The following C3orf70 variants were observed in gnomAD, a reference collection of about 807,000 sequenced individuals.
C3orf70 encodes the protein chromosome 3 open reading frame 70.
C3orf70 carries 15 observed loss-of-function variants against 20.7 expected under a neutral mutation model. The observed-to-expected ratio is 0.72, with a 90% CI of 0.48 to 1.11. The LOEUF is 1.11. Among genes scored for constraint, C3orf70 ranks in the 50% most tolerant of loss-of-function variants. The probability of loss-of-function intolerance (pLI) is 0.00; values close to 1 mark genes in which losing one functional copy is unlikely to be tolerated. For missense variants in C3orf70, 332 were observed against 317.6 expected (o/e 1.05, Z -0.34); for synonymous variants, 161 against 125.7 (o/e 1.28, Z -1.88).
Position 185,092,935 on chromosome 3 carries a change from G to C in C3orf70, c.197-9372C>G, listed in dbSNP as rs550645216. ...GAACCCGTAAGGTGGAGGTTGCAGT[G>C]AGCCAAGATCGTGCTACTGCACTCT... On this transcript the variant is annotated intron_variant, in intron 1 of 1. Coordinates refer to ENST00000335012, the MANE Select transcript of C3orf70 (RefSeq NM_001025266.3). Among the ~76,000 whole-genome samples the C allele has an allele frequency of 2.1e-3, 316 of 149,930 alleles. 1 individual carries two copies. Among genetic ancestry groups the C allele is most frequent in the African/African-American group, 7.5e-3 (305 of 40,580 alleles).
In C3orf70 at chr3:185,133,802, A is replaced by G. The variant is rs185757951; in HGVS notation, c.196+18826T>C. ...CATATATGCAACAAAGTAGCATGCAAGCATGAAGAAATGAGAAAGAAGCCA... is the reference window on the plus strand; with the variant it reads ...CATATATGCAACAAAGTAGCATGCAGGCATGAAGAAATGAGAAAGAAGCCA... On this transcript the variant is annotated intron_variant, in intron 1 of 1. Transcript: ENST00000335012. 1.9e-3 allele frequency among the ~76,000 whole-genome samples: 282 copies of G among 152,246 alleles called. 1 individual carries two copies. The highest frequency in any genetic ancestry group is 4.3e-3 in the Admixed American group (65 of 15,286).
In C3orf70 at chr3:185,082,539, G is replaced by A. The variant is rs1715366155; in HGVS notation, c.*468C>T. ...GGAAGGGAAGAAACGGCATCTACCA[G>A]TGCACACTCAGTAGGGAGTGCTACT... On this transcript the variant is annotated 3_prime_UTR_variant, in exon 2 of 2. Coordinates refer to ENST00000335012, the MANE Select transcript of C3orf70 (RefSeq NM_001025266.3). 1 of 163,144 alleles carries A rather than the reference G, an allele frequency of 6.1e-6. No individual in the cohort carries two copies. Among genetic ancestry groups the A allele is most frequent in the South Asian group, 1.8e-4 (1 of 5,678 alleles). The allele number at this position is 163,144 out of a possible 1,614,324, so 10.1% of individuals were successfully genotyped here. A position where few individuals can be genotyped will look rare whatever the true frequency, so the allele number is the denominator to read the frequency against.
chr3:185,134,997 C>T (rs1186713003), intron 1 of C3orf70, among the ~76,000 whole-genome samples: 1 of 152,016 alleles, frequency 6.6e-6, no homozygotes, highest in Non-Finnish European at 1.5e-5. Context: ...CAGCCCCTTC[C>T]CCTGCCAGAA....
chr3:185,142,409 G>C (rs13063458), intron 1 of C3orf70, among the ~76,000 whole-genome samples: 9,077 of 152,256 alleles, frequency 0.06, 373 homozygotes, highest in South Asian at 0.1. Context: ...CTCCAGCCTG[G>C]GTGACACAGC....
chr3:185,088,728 G>A (rs1162155771), intron 1 of C3orf70, among the ~76,000 whole-genome samples: 1 of 152,094 alleles, frequency 6.6e-6, no homozygotes, highest in Non-Finnish European at 1.5e-5. Flanking sequence ...GATATTTTAG[G>A]ACTGTGCAAA....
intron 1 of C3orf70, among the ~76,000 whole-genome samples, chr3:185,091,606 G>C (rs1247213468): frequency 6.6e-6 from 1 of 151,902 alleles, no homozygotes; most frequent in Non-Finnish European, 1.5e-5. Flanking sequence ...GAAGGTGGCA[G>C]AGCCCAGGGG....
In C3orf70 at chr3:185,077,529, CTTTA is replaced by C. The variant is rs1214221342; in HGVS notation, c.*5474_*5477del. ...ACAAGGATTTTATTACTGATAATGA[CTTTA>C]TTTAGCAGTTCCTAGGAAGGTTGTT... On this transcript the variant is annotated 3_prime_UTR_variant, in exon 2 of 2. Coordinates refer to ENST00000335012, the MANE Select transcript of C3orf70 (RefSeq NM_001025266.3). Among the ~76,000 whole-genome samples, 1 of 151,994 alleles carries C rather than the reference CTTTA, an allele frequency of 6.6e-6. No homozygotes were observed. The highest frequency in any genetic ancestry group is 2.4e-5 in the African/African-American group (1 of 41,320).
intron 1 of C3orf70, among the ~76,000 whole-genome samples, chr3:185,107,959 C>T (rs879434980): frequency 5.3e-5 from 8 of 152,114 alleles, no homozygotes; most frequent in Non-Finnish European, 7.4e-5. Flanking sequence ...GACTCTAACT[C>T]CTTATTTAGA....
At chr3:185,152,394 A>C (rs1036353643) in intron 1 of C3orf70, among the ~76,000 whole-genome samples, 1 of 152,220 alleles carries the variant, frequency 6.6e-6, no homozygotes, top group Non-Finnish European at 1.5e-5. Flanking sequence ...GTAGCTAAAG[A>C]AAGCGAGGCG....
chr3:185,152,986 G>C lies in C3orf70; in HGVS notation c.-163C>G, dbSNP rs1460482632. 8 of 462,882 alleles carry C rather than the reference G, an allele frequency of 1.7e-5. No homozygotes were observed. The highest frequency in any genetic ancestry group is 2.6e-5 in the Non-Finnish European group (8 of 305,858). 28.7% of individuals were successfully genotyped at this position (462,882 alleles called of 1,614,324 possible). A position where few individuals can be genotyped will look rare whatever the true frequency, so the allele number is the denominator to read the frequency against. ...AGCGCGGCGGTCCCAGGCTCGAGGA[G>C]GAGCCGCCCCGGGCGCTGCGACCGG... On this transcript the variant is annotated 5_prime_UTR_variant, in exon 1 of 2. Transcript: ENST00000335012.
intron 1 of C3orf70, among the ~76,000 whole-genome samples, chr3:185,093,324 T>C (rs1455336698): frequency 6.6e-6 from 1 of 152,236 alleles, no homozygotes; most frequent in Non-Finnish European, 1.5e-5. Context: ...ATAACATTTC[T>C]GTAAGTGCCA....
intron 1 of C3orf70, among the ~76,000 whole-genome samples, chr3:185,085,969 A>G (rs1715450972): frequency 6.6e-6 from 1 of 152,176 alleles, no homozygotes; most frequent in Non-Finnish European, 1.5e-5. Context: ...GAGGCTGTGG[A>G]AGGCAGGCAG....
chr3:185,109,503 A>G (rs1312935675), intron 1 of C3orf70, among the ~76,000 whole-genome samples: 4 of 152,156 alleles, frequency 2.6e-5, no homozygotes, highest in African/African-American at 4.8e-5. Flanking sequence ...CAACTGACAC[A>G]AGCAACACCC....
At chr3:185,118,676 T>C (rs146222001) in intron 1 of C3orf70, among the ~76,000 whole-genome samples, 45 of 152,288 alleles carry the variant, frequency 3.0e-4, no homozygotes, top group Admixed American at 2.6e-3. Flanking sequence ...CTAAAAAAAA[T>C]TGCATACTTT....
At position 185,125,978 on chromosome 3, in the gene C3orf70, C is replaced by T. The variant is rs545142144; in HGVS notation, c.196+26650G>A. On this transcript the variant is annotated intron_variant, in intron 1 of 1. Coordinates refer to ENST00000335012, the MANE Select transcript of C3orf70 (RefSeq NM_001025266.3). ...CTGCACTTTGATGATATGATAGTTA[C>T]ACAATTATATATGTTTGTTAAAATG... is the stretch of plus-strand genomic sequence containing the variant. 5.3e-5 allele frequency among the ~76,000 whole-genome samples: 8 copies of T among 152,008 alleles called. No homozygotes were observed. The South Asian group carries it at 1.7e-3, about 32-fold the overall frequency.
At chr3:185,132,816 G>A (rs1716548013) in intron 1 of C3orf70, among the ~76,000 whole-genome samples, 2 of 152,032 alleles carry the variant, frequency 1.3e-5, no homozygotes, top group African/African-American at 4.8e-5. Flanking sequence ...TTCCAATACA[G>A]ACACACAGAG....
In C3orf70 at chr3:185,114,150, G is replaced by A. The variant is rs557417493; in HGVS notation, c.197-30587C>T. 2.0e-5 allele frequency among the ~76,000 whole-genome samples: 3 copies of A among 152,230 alleles called. No homozygotes were observed. In the East Asian group the frequency reaches 5.8e-4, roughly 29 times the overall value. On this transcript the variant is annotated intron_variant, in intron 1 of 1. Coordinates refer to ENST00000335012, the MANE Select transcript of C3orf70 (RefSeq NM_001025266.3). ...GGAGGCACAGGTTGTGGTGAGCCGA[G>A]ATCACGCCATTGCACTCCAGTCTGG...
chr3:185,117,233 G>A (rs1249946813), intron 1 of C3orf70, among the ~76,000 whole-genome samples: 1 of 151,762 alleles, frequency 6.6e-6, no homozygotes, highest in East Asian at 1.9e-4. Context: ...TTTCCCAATT[G>A]TTTTTTTTCT....
Position 185,079,903 on chromosome 3 carries a change from T to C in C3orf70, c.*3104A>G, listed in dbSNP as rs1715294268. On this transcript the variant is annotated 3_prime_UTR_variant, in exon 2 of 2. Transcript: ENST00000335012. ...TTCAATGTTATAGTGCATGTTGCAG[T>C]CTAAACATTTTCTAAAGTGTCTGTA... 1 of 152,652 alleles carries C rather than the reference T, an allele frequency of 6.6e-6. No homozygotes were observed. The highest frequency in any genetic ancestry group is 2.4e-5 in the African/African-American group (1 of 41,460). 9.5% of individuals were successfully genotyped at this position (152,652 alleles called of 1,614,324 possible). A position where few individuals can be genotyped will look rare whatever the true frequency, so the allele number is the denominator to read the frequency against.
Sources: allele counts gnomAD v4.1 joint callset (sites outside exome capture counted in the v4.1 genomes callset), GRCh38; gene constraint gnomAD v4.1.1; transcripts MANE v1.5; gene names NCBI Gene and HGNC (gene_info 2026-07-23, HGNC 2026-07-21).